Variants in MAF observed in about 807,000 individuals in gnomAD.
MAF encodes MAF bZIP transcription factor, also known as transcription factor Maf.
Under a neutral mutation model 22.0 loss-of-function variants are expected in MAF, and 10 were observed. That is an observed-to-expected ratio of 0.45 (90% CI 0.28 to 0.77). The LOEUF is 0.77. MAF is among the 30% of genes least tolerant of loss of function. The probability of loss-of-function intolerance (pLI) is 0.12; values close to 1 mark genes in which losing one functional copy is unlikely to be tolerated. For synonymous variants in MAF, 337 were observed against 255.8 expected, an observed-to-expected ratio of 1.32 and a Z score of -3.03; for missense variants, 544 against 548.4, an observed-to-expected ratio of 0.99 and a Z score of 0.08.
chr16:79,347,506 G>T, the MAF span, among the ~76,000 whole-genome samples: 1 of 152,206 alleles, frequency 6.6e-6, no homozygotes, highest in Non-Finnish European at 1.5e-5. Flanking sequence ...TCCTCAGCAC[G>T]GCTGGAGTAC....
the MAF span, chr16:79,205,212 T>A: frequency 2.6e-5 from 4 of 152,372 alleles, no homozygotes; most frequent in East Asian, 3.9e-4. Context: ...GTGGTTGTGG[T>A]CTGTGCTTGA....
chr16:79,511,725 G>A, the MAF span, among the ~76,000 whole-genome samples: 1 of 152,154 alleles, frequency 6.6e-6, no homozygotes, highest in African/African-American at 2.4e-5. Flanking sequence ...AATTTCCTGT[G>A]AGATAGGTGA....
At chr16:79,436,559 T>C in the MAF span, among the ~76,000 whole-genome samples, 1 of 152,214 alleles carries the variant, frequency 6.6e-6, no homozygotes, top group Non-Finnish European at 1.5e-5. Context: ...GCTGCTTATT[T>C]TTACACCAAA....
chr16:79,454,297 T>C, the MAF span, among the ~76,000 whole-genome samples: 4 of 152,134 alleles, frequency 2.6e-5, no homozygotes, highest in East Asian at 7.8e-4. Flanking sequence ...TAGAAATAAA[T>C]GGTGGGGCAT....
chr16:79,523,164 G>C, the MAF span, among the ~76,000 whole-genome samples: 1 of 152,292 alleles, frequency 6.6e-6, no homozygotes, highest in African/African-American at 2.4e-5. Flanking sequence ...GTTATGATAT[G>C]AGAACATAAG....
At chr16:79,318,898 A>G in the MAF span, among the ~76,000 whole-genome samples, 4 of 152,174 alleles carry the variant, frequency 2.6e-5, no homozygotes, top group Non-Finnish European at 4.4e-5. Flanking sequence ...TCCTTACAGC[A>G]TATCTGCTCA....
At chr16:79,467,393 G>C in the MAF span, among the ~76,000 whole-genome samples, 188 of 152,344 alleles carry the variant, frequency 1.2e-3, no homozygotes, top group African/African-American at 4.3e-3. Flanking sequence ...CATGCATTGA[G>C]TGCTTATTGT....
At chr16:79,507,901 T>C in the MAF span, among the ~76,000 whole-genome samples, 1 of 152,180 alleles carries the variant, frequency 6.6e-6, no homozygotes, top group South Asian at 2.1e-4. Flanking sequence ...ACCTAATTGT[T>C]ATTACCTGAA....
At chr16:79,466,924 G>A in the MAF span, among the ~76,000 whole-genome samples, 4 of 152,208 alleles carry the variant, frequency 2.6e-5, no homozygotes, top group African/African-American at 9.7e-5. Context: ...GACCACGGAG[G>A]AATCAGGTTT....
the MAF span, among the ~76,000 whole-genome samples, chr16:79,250,383 C>T: frequency 9.6e-3 from 1,461 of 152,338 alleles, 28 homozygotes; most frequent in African/African-American, 0.033. Context: ...CTCCGCAACT[C>T]AGCTGTCTCC....
At chr16:79,208,119 C>T in the MAF span, among the ~76,000 whole-genome samples, 1 of 152,076 alleles carries the variant, frequency 6.6e-6, no homozygotes. Context: ...ACTCTTAATC[C>T]CAAACAAGAG....
At chr16:79,477,836 T>A in the MAF span, among the ~76,000 whole-genome samples, 1 of 152,252 alleles carries the variant, frequency 6.6e-6, no homozygotes, top group East Asian at 1.9e-4. Flanking sequence ...GAAGTTCTCC[T>A]GCCTCAGCCT....
At chr16:79,234,789 G>A in the MAF span, among the ~76,000 whole-genome samples, 27 of 152,246 alleles carry the variant, frequency 1.8e-4, no homozygotes, top group Non-Finnish European at 2.8e-4. Flanking sequence ...AGTCCTGCCT[G>A]AGGTGGGTAG....
At chr16:79,596,551 A>G in intron 1 of MAF, 1 of 1,049,504 alleles carries the variant, frequency 9.5e-7, no homozygotes, top group Non-Finnish European at 1.2e-6. Context: ...ATGAAAGAAA[A>G]GCACATAGGA....
chr16:79,397,592 G>A, the MAF span, among the ~76,000 whole-genome samples: 1 of 152,170 alleles, frequency 6.6e-6, no homozygotes, highest in African/African-American at 2.4e-5. Flanking sequence ...TGACCGGCTG[G>A]ATGTAACCGG....
At chr16:79,283,758 G>A in the MAF span, among the ~76,000 whole-genome samples, 978 of 152,176 alleles carry the variant, frequency 6.4e-3, 10 homozygotes, top group African/African-American at 0.022. Flanking sequence ...TGAGAACTAA[G>A]CACAGGCCGC....
At chr16:79,274,745 G>A in the MAF span, among the ~76,000 whole-genome samples, 2 of 152,120 alleles carry the variant, frequency 1.3e-5, no homozygotes, top group South Asian at 4.1e-4. Context: ...CAGTCAGGAG[G>A]ACTATCCCCT....
the MAF span, among the ~76,000 whole-genome samples, chr16:79,569,762 T>C: frequency 6.6e-6 from 1 of 152,200 alleles, no homozygotes; most frequent in African/African-American, 2.4e-5. Flanking sequence ...GAATAGGCAT[T>C]TGTATTTGAA....
the MAF span, among the ~76,000 whole-genome samples, chr16:79,514,195 A>C: frequency 2.0e-5 from 3 of 152,246 alleles, no homozygotes; most frequent in East Asian, 5.8e-4. Flanking sequence ...GGAGAAAAGC[A>C]AATGTGTTCT....
Sources: allele counts gnomAD v4.1 joint callset (sites outside exome capture counted in the v4.1 genomes callset), GRCh38; gene constraint gnomAD v4.1.1; transcripts MANE v1.5; gene names NCBI Gene and HGNC (gene_info 2026-07-23, HGNC 2026-07-21).